Variants in NAA25 observed in about 807,000 individuals in gnomAD.
The protein encoded by NAA25 is N-alpha-acetyltransferase 25, NatB auxiliary subunit, also known as N-terminal acetyltransferase B complex subunit NAA25.
Under a neutral mutation model 132.5 loss-of-function variants are expected in NAA25, and 30 were observed. That is an observed-to-expected ratio of 0.23 (90% CI 0.17 to 0.31). The LOEUF (loss-of-function observed/expected upper bound fraction) is 0.31. NAA25 is among the 10% of genes least tolerant of loss of function. NAA25 has a pLI of 1.00. For missense variants in NAA25, 771 were observed against 1,150.4 expected (o/e 0.67, Z 4.77); for synonymous variants, 359 against 401.9 (o/e 0.89, Z 1.28).
intron 16 of NAA25, among the ~76,000 whole-genome samples, chr12:112,048,062 C>T (rs182535293): frequency 6.6e-6 from 1 of 152,224 alleles, no homozygotes. Context: ...CAATATGGAC[C>T]AGGCATTGAT....
intron 1 of NAA25, among the ~76,000 whole-genome samples, chr12:112,107,007 G>A (rs1320395006): frequency 6.6e-6 from 1 of 150,970 alleles, no homozygotes; most frequent in African/African-American, 2.4e-5. Context: ...AGGCATGGTG[G>A]CTCACACCTA....
At chr12:112,057,505 T>C (rs1157134831) in intron 13 of NAA25, among the ~76,000 whole-genome samples, 4 of 152,186 alleles carry the variant, frequency 2.6e-5, no homozygotes, top group African/African-American at 9.6e-5. Context: ...GGGGCTCAAA[T>C]AACAAGTTCT....
In NAA25 at chr12:112,087,296, G is replaced by A. The variant is rs573896557; in HGVS notation, c.402+387C>T. 7.2e-5 allele frequency among the ~76,000 whole-genome samples: 11 copies of A among 152,256 alleles called. No homozygotes were observed. In the East Asian group the frequency reaches 9.6e-4, roughly 13 times the overall value. On this transcript the variant is annotated intron_variant, in intron 4 of 23. Coordinates refer to ENST00000261745, the MANE Select transcript of NAA25 (RefSeq NM_024953.4). ...TAAAAATCTTAGCAGGCTATCAACA[G>A]TTTAAATTTACAAATTAGATGTAAA...
chr12:112,067,161 C>T (rs2078730069), intron 11 of NAA25, among the ~76,000 whole-genome samples: 1 of 151,994 alleles, frequency 6.6e-6, no homozygotes, highest in Non-Finnish European at 1.5e-5. Flanking sequence ...ATCGCGCCAA[C>T]ACACTCCAGC....
At chr12:112,036,021 T>G (rs2078220301) in intron 22 of NAA25, among the ~76,000 whole-genome samples, 1 of 152,108 alleles carries the variant, frequency 6.6e-6, no homozygotes, top group Non-Finnish European at 1.5e-5. Flanking sequence ...TATAATGCTA[T>G]AGCAAACAAA....
At chr12:112,046,376 C>T (rs1250506292) in intron 17 of NAA25, among the ~76,000 whole-genome samples, 1 of 152,192 alleles carries the variant, frequency 6.6e-6, no homozygotes, top group Non-Finnish European at 1.5e-5. Flanking sequence ...TCCTTTTTCC[C>T]TTCCGGATTC....
chr12:112,103,578 C>T (rs999169717), intron 1 of NAA25, among the ~76,000 whole-genome samples: 2 of 152,182 alleles, frequency 1.3e-5, no homozygotes, highest in African/African-American at 4.8e-5. Flanking sequence ...AGTCTTCACT[C>T]ACCAAGGTAC....
In NAA25 at chr12:112,043,688, C is replaced by T; in HGVS notation, c.2187G>A (p.Leu729=). 6.2e-7 allele frequency: 1 copy of T among 1,614,170 alleles called. No homozygotes were observed. The highest frequency in any genetic ancestry group is 8.5e-7 in the Non-Finnish European group (1 of 1,180,024). The part of the protein sequence containing the change: ...GVSSRIDILR[L]LLQQLEATLE... ...GGGTTGCCTCCAGCTGTTGAAGGAG[C>T]AAACGAAGAATATCAATCCGGGAGG... Residue 729 remains leucine, a synonymous_variant, in exon 18 of 24, where the codon TTG becomes TTA. Transcript: ENST00000261745.
chr12:112,050,589 G>A (rs973833093), intron 15 of NAA25, among the ~76,000 whole-genome samples: 1 of 151,018 alleles, frequency 6.6e-6, no homozygotes, highest in Admixed American at 6.6e-5. Context: ...TATGATCTCA[G>A]CTCACTGCAA....
chr12:112,099,392 T>C (rs1277345440), intron 1 of NAA25, among the ~76,000 whole-genome samples: 1 of 152,140 alleles, frequency 6.6e-6, no homozygotes, highest in Admixed American at 6.6e-5. Flanking sequence ...TTTACAGTTT[T>C]ATTTTCCTAC....
At chr12:112,098,188 C>T (rs1364698810) in intron 1 of NAA25, among the ~76,000 whole-genome samples, 7 of 149,194 alleles carry the variant, frequency 4.7e-5, no homozygotes, top group Admixed American at 6.7e-5. Context: ...AGATGAGCAA[C>T]TGAAAAAGAA....
In NAA25 at chr12:112,081,100, T is replaced by C. The variant is rs370583465; in HGVS notation, c.437A>G (p.Asn146Ser). 77 of 1,613,168 alleles carry C rather than the reference T, an allele frequency of 4.8e-5. No homozygotes were observed. The highest frequency in any genetic ancestry group is 6.0e-5 in the Non-Finnish European group (71 of 1,179,282). ...GMALYKIVPK[N>S]PYYFWSVMSL... Reference sequence around the variant, plus strand: ...CATCACAGACCAAAAGTAGTAGGGATTTTTGGGGACAATCTTATATAGAGC... The same window carrying C: ...CATCACAGACCAAAAGTAGTAGGGACTTTTGGGGACAATCTTATATAGAGC... The change falls in exon 5 of 24, where the codon AAT (asparagine) becomes AGT (serine). Residue 146 changes from asparagine (N) to serine (S), a missense_variant. Asn to Ser is a conservative substitution (Grantham distance 46). This residue lies in a region of NAA25 where 417 missense variants were observed against 733.8 expected (regional missense o/e 0.57). Coordinates refer to ENST00000261745, the MANE Select transcript of NAA25 (RefSeq NM_024953.4).
At chr12:112,083,267 G>A (rs1424719026) in intron 4 of NAA25, among the ~76,000 whole-genome samples, 2 of 152,050 alleles carry the variant, frequency 1.3e-5, no homozygotes, top group African/African-American at 4.8e-5. Context: ...ATCACCTGAG[G>A]TCAGGAGTTC....
Position 112,033,394 on chromosome 12 carries a change from A to T in NAA25, c.2650-15T>A. The T allele has an allele frequency of 1.9e-6, 3 of 1,591,172 alleles. No homozygotes were observed. ...AAGACAGGTGGCTGGGAAAAAGATT[A>T]AAAAAGAGTTGAAACATTATCAAAC... On this transcript the variant is annotated splice_polypyrimidine_tract_variant and intron_variant, in intron 22 of 23. Transcript: ENST00000261745.
chr12:112,044,776 T>G (rs1264510532), intron 17 of NAA25, among the ~76,000 whole-genome samples: 1 of 151,326 alleles, frequency 6.6e-6, no homozygotes, highest in African/African-American at 2.4e-5. Context: ...GTGTGGTGGC[T>G]CACACCTGTA....
rs919520709 is a variant in NAA25, at chr12:112,071,934, G to A, written c.997C>T (p.Arg333Cys). 1.9e-6 allele frequency: 3 copies of A among 1,613,828 alleles called. No homozygotes were observed. Among genetic ancestry groups the A allele is most frequent in the Non-Finnish European group, 2.5e-6 (3 of 1,179,972 alleles). The stretch of plus-strand genomic sequence containing the variant: ...TCGTTACAACCTTGACTTCGTAAAC[G>A]CCTAATCAGCTCCAATTTAGCTAGA... The part of the protein sequence containing the change: ...PHLAKLELIR[R>C]LRSQGCNDEY... The change falls in exon 10 of 24, where the codon CGT becomes TGT. Residue 333 changes from arginine to cysteine, a missense_variant. Arg to Cys is a radical substitution (Grantham distance 180, BLOSUM62 -3). Transcript: ENST00000261745.
chr12:112,047,610 A>C, intron 17 of NAA25, 55 bp downstream of exon 17: 1 of 1,594,230 alleles, frequency 6.3e-7, no homozygotes, highest in Non-Finnish European at 8.5e-7. Context: ...TCTCTTTAAA[A>C]AAACAAAAAA....
intron 1 of NAA25, among the ~76,000 whole-genome samples, chr12:112,104,888 G>A (rs1212907156): frequency 1.3e-5 from 2 of 151,894 alleles, no homozygotes; most frequent in African/African-American, 2.4e-5. Flanking sequence ...GCATGGTGGT[G>A]CATGCCTGTA....
At chr12:112,075,644 C>T (rs374883031) in intron 8 of NAA25, 34 bp downstream of exon 8, 39 of 1,550,896 alleles carry the variant, frequency 2.5e-5, no homozygotes, top group Non-Finnish European at 3.2e-5. Flanking sequence ...AGCCTCACTA[C>T]AGTCAAATGG....
Sources: gnomAD v4.1 joint callset for allele counts (sites outside exome capture counted in the v4.1 genomes callset) on GRCh38, gnomAD v4.1.1 for gene constraint, gnomAD v4.1.1 regional missense constraint, MANE v1.5 for transcripts, NCBI Gene and HGNC (gene_info 2026-07-23, HGNC 2026-07-21) for gene names.